Variants in YJU2 observed in about 807,000 individuals in gnomAD.
The protein encoded by YJU2 is splicing factor YJU2.
YJU2 carries 28 observed loss-of-function variants against 39.6 expected under a neutral mutation model. The ratio of observed to expected loss-of-function variants is 0.71; its 90% CI spans 0.52 to 0.97. The LOEUF (loss-of-function observed/expected upper bound fraction) is 0.97, where lower values mean the gene tolerates loss of function less well. YJU2 is among the 50% of genes least tolerant of loss of function. The pLI is 0.00. For missense variants in YJU2, 328 were observed against 430.4 expected (o/e 0.76, Z 2.11); for synonymous variants, 184 against 182.4 (o/e 1.01, Z -0.07).
rs572164071 is a variant in YJU2, at chr19:4,254,604, G to C, written c.405+115G>C. Reference sequence around the variant, plus strand: ...CCAAGGAAGGAAGATGGGGTGGGGGGCGTGGTTGGTAAAACTTTAAGATGT... The same window carrying C: ...CCAAGGAAGGAAGATGGGGTGGGGGCCGTGGTTGGTAAAACTTTAAGATGT... On this transcript the variant is annotated intron_variant, in intron 4 of 7. Transcript: ENST00000262962. The C allele has an allele frequency of 5.0e-6, 7 of 1,410,920 alleles. No homozygotes were observed. In the African/African-American group the frequency reaches 8.8e-5, roughly 18 times the overall value. The allele number at this position is 1,410,920 out of a possible 1,614,324, so 87.4% of individuals were successfully genotyped here.
Position 4,247,633 on chromosome 19 carries a change from GTGTGTGTGTGTGTGTGTGT to G in YJU2, c.24+464_24+482del, listed in dbSNP as rs1970938433. On this transcript the variant is annotated intron_variant, in intron 1 of 7. Coordinates refer to ENST00000262962, the MANE Select transcript of YJU2 (RefSeq NM_018074.6). Reference sequence around the variant, plus strand: ...TGTGTGTGTGTGTGTGTGTGTGTGTGTGTGTGTGTGTGTGTGTGTGTGTGTGTGTGTGTGTGTGTGTGTG... The same window carrying G: ...TGTGTGTGTGTGTGTGTGTGTGTGTGGTGTGTGTGTGTGTGTGTGTGTGTG... Among the ~76,000 whole-genome samples the G allele has an allele frequency of 1.3e-3, 83 of 64,314 alleles. 10 individuals carry two copies. Among genetic ancestry groups the G allele is most frequent in the African/African-American group, 3.7e-3 (46 of 12,290 alleles). 42.2% of individuals were successfully genotyped at this position (64,314 alleles called of 152,430 possible). A position where few individuals can be genotyped will look rare whatever the true frequency, so the allele number is the denominator to read the frequency against.
intron 6 of YJU2, among the ~76,000 whole-genome samples, chr19:4,267,135 A>C (rs898222283): frequency 1.3e-5 from 2 of 152,118 alleles, no homozygotes; most frequent in African/African-American, 4.8e-5. Flanking sequence ...TGTTTGTGGC[A>C]CCGCAGAGCC....
chr19:4,265,028 C>T (rs1249117260), intron 6 of YJU2, among the ~76,000 whole-genome samples: 1 of 152,084 alleles, frequency 6.6e-6, no homozygotes, highest in Non-Finnish European at 1.5e-5. Context: ...CTACAACTTC[C>T]TCTCTTCTTT....
intron 2 of YJU2, among the ~76,000 whole-genome samples, chr19:4,249,577 T>C (rs1379685829): frequency 1.3e-5 from 2 of 152,000 alleles, no homozygotes; most frequent in Non-Finnish European, 1.5e-5. Context: ...GCAGAGAGGA[T>C]AGGACGCCAC....
chr19:4,254,531 G>A (rs1448588426), intron 4 of YJU2, 42 bp downstream of exon 4: 3 of 1,512,032 alleles, frequency 2.0e-6, no homozygotes, highest in Non-Finnish European at 2.7e-6. Flanking sequence ...CGCTGTGTGT[G>A]TGGGTGTGTG....
rs1012098736 is a variant in YJU2 at position 4,254,553 on chromosome 19, G to A, written c.405+64G>A. On this transcript the variant is annotated intron_variant, in intron 4 of 7. Coordinates refer to ENST00000262962, the MANE Select transcript of YJU2 (RefSeq NM_018074.6). ...TGTGTGGGTGTGTGTGTGTGCCAATGGTTGTGCCCTTCCTGCCTCAGGTCC... is the reference window on the plus strand; with the variant it reads ...TGTGTGGGTGTGTGTGTGTGCCAATAGTTGTGCCCTTCCTGCCTCAGGTCC... 6 of 1,464,252 alleles carry A rather than the reference G, an allele frequency of 4.1e-6. No individual in the cohort carries two copies. In the African/African-American group the frequency reaches 7.2e-5, roughly 18 times the overall value. The allele number at this position is 1,464,252 out of a possible 1,614,324, so 90.7% of individuals were successfully genotyped here. A position where few individuals can be genotyped will look rare whatever the true frequency, so the allele number is the denominator to read the frequency against.
intron 2 of YJU2, among the ~76,000 whole-genome samples, chr19:4,250,348 C>T (rs1210657020): frequency 2.0e-5 from 3 of 152,060 alleles, no homozygotes; most frequent in South Asian, 2.1e-4. Context: ...CTGTGCCGAG[C>T]GCCAGGAACA....
At chr19:4,256,611 G>A (rs112194533) in intron 4 of YJU2, among the ~76,000 whole-genome samples, 2,521 of 152,298 alleles carry the variant, frequency 0.017, 38 homozygotes, top group Middle Eastern at 0.082. Flanking sequence ...CACAGTTTTT[G>A]AGAGTCAGGC....
chr19:4,247,533 G>C (rs917999449), intron 1 of YJU2, among the ~76,000 whole-genome samples: 1 of 147,662 alleles, frequency 6.8e-6, no homozygotes, highest in East Asian at 2.0e-4. Context: ...CGCCCCACTT[G>C]GGGACTGTAA....
intron 5 of YJU2, among the ~76,000 whole-genome samples, chr19:4,259,254 A>G (rs1971051272): frequency 6.7e-6 from 1 of 149,472 alleles, no homozygotes; most frequent in African/African-American, 2.5e-5. Flanking sequence ...AATTTTTTGT[A>G]ATTTTTAGTA....
rs1971138915 is a variant in YJU2 at position 4,268,765 on chromosome 19, G to A, written c.*69G>A. ...CTTCAGCCACATTGAGGCCAGCATT[G>A]CTGGTGGTCAGGGCAGGAGGCCTTG... On this transcript the variant is annotated 3_prime_UTR_variant, in exon 8 of 8. Coordinates refer to ENST00000262962, the MANE Select transcript of YJU2 (RefSeq NM_018074.6). 2 of 1,180,026 alleles carry A rather than the reference G, an allele frequency of 1.7e-6. No individual in the cohort carries two copies. The highest frequency in any genetic ancestry group is 2.5e-6 in the Non-Finnish European group (2 of 809,690). 73.1% of individuals were successfully genotyped at this position (1,180,026 alleles called of 1,614,324 possible).
intron 3 of YJU2, 51 bp from the exon 4 acceptor site, chr19:4,254,304 A>G (rs376858122): frequency 1.8e-5 from 25 of 1,381,182 alleles, no homozygotes; most frequent in Non-Finnish European, 2.5e-5. Context: ...ACTTTAGAAG[A>G]TTCTAGTGCC....
chr19:4,266,242 G>A (rs901796482), intron 6 of YJU2, among the ~76,000 whole-genome samples: 5 of 152,064 alleles, frequency 3.3e-5, no homozygotes, highest in African/African-American at 7.2e-5. Context: ...GAGCCACTGC[G>A]CCCGGCCCAG....
intron 2 of YJU2, among the ~76,000 whole-genome samples, chr19:4,250,351 C>G (rs181046233): frequency 2.0e-5 from 3 of 152,052 alleles, no homozygotes; most frequent in Non-Finnish European, 4.4e-5. Flanking sequence ...TGCCGAGCGC[C>G]AGGAACAAAG....
chr19:4,262,258 G>T, intron 6 of YJU2, 144 bp downstream of exon 6: 1 of 830,526 alleles, frequency 1.2e-6, no homozygotes, highest in Admixed American at 3.0e-5. Context: ...GAGTGCAGTG[G>T]CACGATCTTG....
chr19:4,247,132 G>T lies in YJU2; in HGVS notation c.-15G>T, dbSNP rs371273295. ...ACCATTTCTCAGGTGCTTGCGAGGT[G>T]ATCAGAAGGCAAAGATGTCGGAGCG... On this transcript the variant is annotated 5_prime_UTR_variant, in exon 1 of 8. Transcript: ENST00000262962. 2.5e-6 allele frequency: 4 copies of T among 1,613,620 alleles called. No homozygotes were observed. Among genetic ancestry groups the T allele is most frequent in the East Asian group, 2.2e-5 (1 of 44,886 alleles).
chr19:4,254,331 G>A, intron 3 of YJU2, 24 bp from the exon 4 acceptor site: 1 of 1,585,280 alleles, frequency 6.3e-7, no homozygotes, highest in Non-Finnish European at 8.7e-7. Context: ...TGTAGGAGCT[G>A]ATGTCTGTCT....
chr19:4,252,534 G>A lies in YJU2; in HGVS notation c.270+1363G>A, dbSNP rs532313216. ...CAAGAGAATGGCGTGAACCCAGGAG[G>A]CGGAGCTTGCAGTGAGCTGAGATCG... is the stretch of plus-strand genomic sequence containing the variant. On this transcript the variant is annotated intron_variant, in intron 3 of 7. Transcript: ENST00000262962. 5.3e-5 allele frequency among the ~76,000 whole-genome samples: 8 copies of A among 152,260 alleles called. No homozygotes were observed. The South Asian group carries it at 1.7e-3, about 32-fold the overall frequency.
At chr19:4,262,178 C>T (rs1971076710) in intron 6 of YJU2, 64 bp downstream of exon 6, 2 of 1,502,110 alleles carry the variant, frequency 1.3e-6, no homozygotes, top group East Asian at 2.3e-5. Flanking sequence ...AGCCAGGGGT[C>T]AGCTTGACTT....
Sources: allele counts gnomAD v4.1 joint callset (sites outside exome capture counted in the v4.1 genomes callset), GRCh38; gene constraint gnomAD v4.1.1; transcripts MANE v1.5; gene names NCBI Gene and HGNC (gene_info 2026-07-23, HGNC 2026-07-21).